NKAIN3: variants seen among roughly 807,000 people sequenced by gnomAD.
The protein encoded by NKAIN3 is sodium/potassium transporting ATPase interacting 3.
A neutral mutation model predicts 30.2 loss-of-function variants in NKAIN3; 25 were observed. The ratio of observed to expected loss-of-function variants is 0.83; its 90% CI spans 0.60 to 1.16. The LOEUF (loss-of-function observed/expected upper bound fraction) is 1.16. Among genes scored for constraint, NKAIN3 ranks in the 50% most tolerant of loss-of-function variants. The pLI, the probability that NKAIN3 is intolerant of heterozygous loss-of-function variation, is 0.00. For missense variants in NKAIN3, 225 were observed against 254.1 expected, an observed-to-expected ratio of 0.89 and a Z score of 0.78; for synonymous variants, 91 against 89.6, an observed-to-expected ratio of 1.02 and a Z score of -0.09.
chr8:62,845,633 GA>G (rs1819668683), intron 4 of NKAIN3, among the ~76,000 whole-genome samples: 1 of 152,052 alleles, frequency 6.6e-6, no homozygotes, highest in African/African-American at 2.4e-5. Context: ...TAAAATCAGA[GA>G]AAAGAGAATT....
chr8:62,915,514 A>G (rs1822068324), intron 4 of NKAIN3, among the ~76,000 whole-genome samples: 1 of 152,200 alleles, frequency 6.6e-6, no homozygotes, highest in East Asian at 1.9e-4. Flanking sequence ...TTAGCCTCGT[A>G]AGGCCCATTT....
At chr8:62,994,238 C>T (rs182499982) in intron 5 of NKAIN3, among the ~76,000 whole-genome samples, 50 of 152,268 alleles carry the variant, frequency 3.3e-4, no homozygotes, top group African/African-American at 1.2e-3. Flanking sequence ...AAACTGCTTA[C>T]ATAAATTATG....
chr8:62,316,312 G>A (rs1346175577), intron 1 of NKAIN3, among the ~76,000 whole-genome samples: 1 of 151,920 alleles, frequency 6.6e-6, no homozygotes, highest in Non-Finnish European at 1.5e-5. Flanking sequence ...TAAGTTTTAG[G>A]GTACATGTGC....
At chr8:62,786,495 T>TA (rs11444800) in intron 4 of NKAIN3, among the ~76,000 whole-genome samples, 134,522 of 151,852 alleles carry the variant, frequency 0.89, 59,728 homozygotes, top group African/African-American at 0.91. Flanking sequence ...TCTCCTCATA[T>TA]AAAGGATTCA....
intron 4 of NKAIN3, among the ~76,000 whole-genome samples, chr8:62,828,701 T>C (rs1460416995): frequency 1.3e-5 from 2 of 152,174 alleles, no homozygotes; most frequent in South Asian, 2.1e-4. Context: ...CTATGTCTAT[T>C]TGGGGAGCCA....
At chr8:62,836,056 G>A (rs1252030709) in intron 4 of NKAIN3, among the ~76,000 whole-genome samples, 1 of 151,890 alleles carries the variant, frequency 6.6e-6, no homozygotes, top group African/African-American at 2.4e-5. Context: ...TGCAGCTGGA[G>A]GCCATTATCC....
chr8:62,596,493 G>T (rs895619129), intron 3 of NKAIN3, among the ~76,000 whole-genome samples: 2 of 151,956 alleles, frequency 1.3e-5, no homozygotes, highest in African/African-American at 4.8e-5. Context: ...GTGTTCCCTC[G>T]GAAGTTAGGA....
intron 3 of NKAIN3, among the ~76,000 whole-genome samples, chr8:62,662,221 C>T (rs536157290): frequency 6.6e-6 from 1 of 152,248 alleles, no homozygotes; most frequent in Admixed American, 6.5e-5. Context: ...ACTGGCTGAG[C>T]TGCCTTGGGT....
intron 1 of NKAIN3, among the ~76,000 whole-genome samples, chr8:62,378,778 G>T (rs1236812804): frequency 6.6e-6 from 1 of 152,190 alleles, no homozygotes; most frequent in Admixed American, 6.5e-5. Context: ...CTGCTGCAGG[G>T]ATGGAGCCCT....
rs1285268919 is a variant in NKAIN3 at position 62,596,752 on chromosome 8, T to G, written c.273+6958T>G. ...AAAGGAACTTCCATCAGTATACAAG[T>G]TGAGGTCTGGATCAGTCAAGGGAAC... is the stretch of plus-strand genomic sequence containing the variant. On this transcript the variant is annotated intron_variant, in intron 3 of 6. Coordinates refer to ENST00000623646, the MANE Select transcript of NKAIN3 (RefSeq NM_001304533.3). 2.0e-5 allele frequency among the ~76,000 whole-genome samples: 3 copies of G among 152,136 alleles called. No homozygotes were observed. In the East Asian group the frequency reaches 5.8e-4, roughly 30 times the overall value.
rs906517745 is a variant in NKAIN3, at chr8:62,870,258, A to G, written c.472-48195A>G. ...TAGATATCTATAGATATCTATATAT[A>G]TATCTATATATAGATATATATAAAT... is the stretch of plus-strand genomic sequence containing the variant. On this transcript the variant is annotated intron_variant, in intron 4 of 6. Coordinates refer to ENST00000623646, the MANE Select transcript of NKAIN3 (RefSeq NM_001304533.3). Among the ~76,000 whole-genome samples the G allele has an allele frequency of 2.6e-5, 3 of 113,958 alleles. 1 individual carries two copies. The highest frequency in any genetic ancestry group is 5.9e-5 in the African/African-American group (2 of 33,824). The allele number at this position is 113,958 out of a possible 152,430, so 74.8% of individuals were successfully genotyped here.
chr8:62,506,228 TGG>T lies in NKAIN3; in HGVS notation c.55-73302_55-73301del, dbSNP rs10633674. On this transcript the variant is annotated intron_variant, in intron 1 of 6. Coordinates refer to ENST00000623646, the MANE Select transcript of NKAIN3 (RefSeq NM_001304533.3). ...GTTTCAGGGATCCATATGAGAATAT[TGG>T]GGGGGGGGACATTATTTCACCTGCC... 8.7e-4 allele frequency among the ~76,000 whole-genome samples: 113 copies of T among 129,226 alleles called. 1 individual carries two copies. Among genetic ancestry groups the T allele is most frequent in the African/African-American group, 3.0e-3 (108 of 35,638 alleles). The allele number at this position is 129,226 out of a possible 152,430, so 84.8% of individuals were successfully genotyped here. A position where few individuals can be genotyped will look rare whatever the true frequency, so the allele number is the denominator to read the frequency against.
rs879458511 is a variant in NKAIN3, at chr8:62,737,176, T to C, written c.274-9756T>C. Among the ~76,000 whole-genome samples, 7 of 152,172 alleles carry C rather than the reference T, an allele frequency of 4.6e-5. No individual in the cohort carries two copies. The East Asian group carries it at 5.8e-4, about 13-fold the overall frequency. ...GATATGAGTTTCCATCAAAAGTTCA[T>C]GATGTGAGCTCCTGAGTGGGACCCA... is the stretch of plus-strand genomic sequence containing the variant. On this transcript the variant is annotated intron_variant, in intron 3 of 6. Transcript: ENST00000623646.
intron 3 of NKAIN3, among the ~76,000 whole-genome samples, chr8:62,623,150 T>C (rs1045094883): frequency 1.3e-5 from 2 of 152,030 alleles, no homozygotes; most frequent in African/African-American, 4.8e-5. Context: ...TCACAAACTC[T>C]CCTGGCTGCC....
chr8:62,564,287 A>T (rs1449048916), intron 1 of NKAIN3, among the ~76,000 whole-genome samples: 1 of 152,060 alleles, frequency 6.6e-6, no homozygotes, highest in Non-Finnish European at 1.5e-5. Context: ...CATCCATGCC[A>T]TCTCCACCTG....
intron 5 of NKAIN3, among the ~76,000 whole-genome samples, chr8:62,995,239 A>G (rs1253322275): frequency 6.6e-6 from 1 of 152,236 alleles, no homozygotes; most frequent in Non-Finnish European, 1.5e-5. Flanking sequence ...ATAAACCCCA[A>G]TTAGATGGGC....
chr8:62,655,040 A>G (rs1006396284), intron 3 of NKAIN3, among the ~76,000 whole-genome samples: 1 of 152,230 alleles, frequency 6.6e-6, no homozygotes, highest in African/African-American at 2.4e-5. Context: ...TGTGACAAAA[A>G]GAAACTTATA....
chr8:62,765,027 G>A (rs985841925), intron 4 of NKAIN3, among the ~76,000 whole-genome samples: 9 of 152,042 alleles, frequency 5.9e-5, no homozygotes, highest in African/African-American at 1.2e-4. Flanking sequence ...GGCAGATCAC[G>A]AGGTCAGGAG....
chr8:62,818,860 G>A (rs1818768174), intron 4 of NKAIN3, among the ~76,000 whole-genome samples: 1 of 151,872 alleles, frequency 6.6e-6, no homozygotes, highest in South Asian at 2.1e-4. Context: ...GAATTTTATG[G>A]GATAACTGGC....
Sources: gnomAD v4.1 joint callset for allele counts (sites outside exome capture counted in the v4.1 genomes callset) on GRCh38, gnomAD v4.1.1 for gene constraint, MANE v1.5 for transcripts, NCBI Gene and HGNC (gene_info 2026-07-23, HGNC 2026-07-21) for gene names.